Variants in MROH9 observed in about 807,000 individuals in gnomAD.
MROH9 encodes the protein maestro heat-like repeat-containing protein family member 9.
MROH9 carries 92 observed loss-of-function variants against 98.2 expected under a neutral mutation model. That is an observed-to-expected ratio of 0.94 (90% confidence interval 0.79 to 1.11). The LOEUF is 1.11. Ranked by LOEUF, MROH9 falls within the 50% of genes most tolerant of loss-of-function variation. The pLI is 0.00. For missense variants in MROH9, 1,057 were observed against 1,014.8 expected (o/e 1.04, Z -0.57); for synonymous variants, 397 against 368.9 (o/e 1.08, Z -0.87).
chr1:170,940,090 C>A lies in MROH9; in HGVS notation c.-38+4503C>A, dbSNP rs115807477. 8.1e-3 allele frequency among the ~76,000 whole-genome samples: 1,235 copies of A among 152,280 alleles called. 19 individuals are homozygous for A. Among genetic ancestry groups the A allele is most frequent in the African/African-American group, 0.028 (1,165 of 41,548 alleles). ...TCACTTGGTGAATGTGCTGGAGTAA[C>A]ACACCCAAATGAGAAATATGTTGCC... On this transcript the variant is annotated intron_variant, in intron 1 of 21. Coordinates refer to ENST00000367759, the MANE Select transcript of MROH9 (RefSeq NM_001163629.2).
chr1:171,051,818 C>T (rs950980212), intron 20 of MROH9, among the ~76,000 whole-genome samples: 4 of 152,106 alleles, frequency 2.6e-5, no homozygotes, highest in Non-Finnish European at 5.9e-5. Context: ...CATTTTCTTT[C>T]TGTTTTGTAC....
At chr1:170,988,231 C>T (rs1651224222) in intron 10 of MROH9, among the ~76,000 whole-genome samples, 1 of 152,178 alleles carries the variant, frequency 6.6e-6, no homozygotes, top group Non-Finnish European at 1.5e-5. Flanking sequence ...GAGGAATGAA[C>T]CTCCAGTTCC....
intron 20 of MROH9, among the ~76,000 whole-genome samples, chr1:171,056,904 A>T (rs1297794524): frequency 3.9e-5 from 6 of 152,248 alleles, no homozygotes; most frequent in African/African-American, 1.4e-4. Context: ...AAAAACAAAC[A>T]AAAAGCAACA....
chr1:171,024,324 G>GTA (rs1231730195), intron 17 of MROH9, 71 bp from the exon 18 acceptor site: 134 of 1,002,776 alleles, frequency 1.3e-4, no homozygotes, highest in South Asian at 4.2e-5. Context: ...GTGTGTGTGT[G>GTA]TGTGTGTAGA....
At chr1:170,960,232 T>C (rs1265750673) in intron 5 of MROH9, among the ~76,000 whole-genome samples, 1 of 152,200 alleles carries the variant, frequency 6.6e-6, no homozygotes, top group Non-Finnish European at 1.5e-5. Context: ...CACAGATTTG[T>C]AGGCTGCTAT....
intron 20 of MROH9, among the ~76,000 whole-genome samples, chr1:171,029,368 C>T (rs529706420): frequency 2.8e-4 from 42 of 152,020 alleles, no homozygotes; most frequent in Non-Finnish European, 5.3e-4. Flanking sequence ...TGCCACCATG[C>T]CCAGCTAATT....
chr1:171,028,785 C>T (rs569624065), intron 20 of MROH9, among the ~76,000 whole-genome samples: 18 of 152,118 alleles, frequency 1.2e-4, no homozygotes, highest in Admixed American at 9.2e-4. Context: ...TTCTTCGTAG[C>T]GATTATGAAT....
intron 20 of MROH9, among the ~76,000 whole-genome samples, chr1:171,028,965 A>G (rs1429514023): frequency 6.6e-6 from 1 of 152,126 alleles, no homozygotes; most frequent in Non-Finnish European, 1.5e-5. Flanking sequence ...TGCAGAGACA[A>G]TTTGACTTCC....
chr1:170,983,403 CTT>C lies in MROH9; in HGVS notation c.617-15_617-14del, dbSNP rs761315275. 1 of 1,544,196 alleles carries C rather than the reference CTT, an allele frequency of 6.5e-7. No individual in the cohort carries two copies. Among genetic ancestry groups the C allele is most frequent in the African/African-American group, 1.4e-5 (1 of 73,028 alleles). On this transcript the variant is annotated splice_polypyrimidine_tract_variant and intron_variant, in intron 8 of 21. Transcript: ENST00000367759. The stretch of plus-strand genomic sequence containing the variant: ...AGTGATCAAATAACAACCTGAAACT[CTT>C]TTTCTTAACAAAGCAGATATTGGAA...
At chr1:171,042,918 T>A (rs1375525347) in intron 20 of MROH9, among the ~76,000 whole-genome samples, 4 of 152,162 alleles carry the variant, frequency 2.6e-5, no homozygotes, top group Non-Finnish European at 4.4e-5. Context: ...TTGCAAACAT[T>A]TTCTCCCATT....
intron 1 of MROH9, among the ~76,000 whole-genome samples, chr1:170,941,796 A>G (rs552859755): frequency 1.5e-3 from 230 of 152,316 alleles, no homozygotes; most frequent in African/African-American, 5.0e-3. Flanking sequence ...TAGTGGCAAA[A>G]GGTGTGTCTT....
At chr1:170,997,918 G>A (rs1217576408) in intron 14 of MROH9, among the ~76,000 whole-genome samples, 2 of 152,156 alleles carry the variant, frequency 1.3e-5, no homozygotes, top group South Asian at 4.1e-4. Flanking sequence ...TGTGGCAAAG[G>A]ATGGGAGAGA....
intron 20 of MROH9, among the ~76,000 whole-genome samples, chr1:171,047,058 A>T (rs562010261): frequency 6.6e-6 from 1 of 152,112 alleles, no homozygotes; most frequent in Non-Finnish European, 1.5e-5. Flanking sequence ...ATTGTATATT[A>T]TGTGTTTCTT....
intron 13 of MROH9, 29 bp from the exon 14 acceptor site, chr1:170,996,478 G>A: frequency 1.2e-6 from 2 of 1,609,106 alleles, no homozygotes; most frequent in Non-Finnish European, 1.7e-6. Flanking sequence ...ACCGGCATGT[G>A]ATGACTTTGC....
At chr1:171,057,432 G>T (rs899297101) in intron 20 of MROH9, among the ~76,000 whole-genome samples, 1 of 152,110 alleles carries the variant, frequency 6.6e-6, no homozygotes. Context: ...GAATGAAAAG[G>T]AACAAACAAA....
chr1:170,974,252 T>G (rs1461907248), intron 8 of MROH9, among the ~76,000 whole-genome samples: 1 of 149,818 alleles, frequency 6.7e-6, no homozygotes, highest in African/African-American at 2.5e-5. Context: ...AAAAACAAAT[T>G]AAAGAATAAT....
chr1:170,942,945 G>A (rs935494659), intron 1 of MROH9, among the ~76,000 whole-genome samples: 2 of 152,030 alleles, frequency 1.3e-5, no homozygotes, highest in African/African-American at 4.8e-5. Flanking sequence ...TAAAATAGTT[G>A]GGGAAAAGTA....
chr1:170,973,411 A>G (rs1650552890), intron 8 of MROH9, among the ~76,000 whole-genome samples: 1 of 152,266 alleles, frequency 6.6e-6, no homozygotes, highest in East Asian at 1.9e-4. Flanking sequence ...AAATCATCCT[A>G]AACTGTTTTA....
At chr1:171,034,961 C>T (rs539017070) in intron 20 of MROH9, among the ~76,000 whole-genome samples, 6 of 152,058 alleles carry the variant, frequency 3.9e-5, no homozygotes, top group South Asian at 4.1e-4. Context: ...GGCTGCCTAA[C>T]GAAAGGTGCA....
Sources: gnomAD v4.1 joint callset for allele counts (sites outside exome capture counted in the v4.1 genomes callset) on GRCh38, gnomAD v4.1.1 for gene constraint, MANE v1.5 for transcripts, NCBI Gene and HGNC (gene_info 2026-07-23, HGNC 2026-07-21) for gene names.